The following ACACB variants were observed in gnomAD, a reference collection of about 807,000 sequenced individuals.
ACACB encodes the protein acetyl-CoA carboxylase 2.
Under a neutral mutation model 278.8 loss-of-function variants are expected in ACACB, and 209 were observed. The observed-to-expected ratio is 0.75, with a 90% confidence interval of 0.67 to 0.84. The LOEUF is 0.84. Among genes scored for constraint, ACACB ranks in the 40% least tolerant of loss-of-function variants. The pLI is 0.00. For synonymous variants in ACACB, 1,174 were observed against 1,285.6 expected, an observed-to-expected ratio of 0.91 and a Z score of 1.86; for missense variants, 2,850 against 3,269.0, an observed-to-expected ratio of 0.87 and a Z score of 3.13.
At chr12:109,167,123 C>T (rs1216213696) in intron 3 of ACACB, 130 bp downstream of exon 3, 16 of 1,188,582 alleles carry the variant, frequency 1.3e-5, no homozygotes, top group Admixed American at 6.5e-5. Flanking sequence ...GGGCCACGCT[C>T]CTCTGAGTTT....
At chr12:109,265,661 C>T (rs922728821) in intron 52 of ACACB, 136 bp downstream of exon 52, 21 of 1,102,742 alleles carry the variant, frequency 1.9e-5, no homozygotes, top group South Asian at 6.1e-5. Flanking sequence ...GCCCCCTCCC[C>T]GCTCCCCAGC....
At chr12:109,260,222 C>A (rs982246883) in intron 47 of ACACB, 7 of 1,387,504 alleles carry the variant, frequency 5.0e-6, no homozygotes, top group Non-Finnish European at 6.9e-6. Flanking sequence ...CATTTCAATT[C>A]CAGTTGGAAA....
chr12:109,175,983 T>C lies in ACACB; in HGVS notation c.1269T>C (p.Ser423=), dbSNP rs138443906. Residue 423 remains serine, a synonymous_variant, in exon 8 of 53, where the codon AGT becomes AGC. Coordinates refer to ENST00000338432, the MANE Select transcript of ACACB (RefSeq NM_001093.4). The part of the protein sequence containing the change: ...EDDLQQGKRI[S]VPEDVYDKGC... ...ATCTGCAGCAGGGAAAAAGAATCAG[T>C]GTCCCAGAAGATGTTTATGACAAGG... is the stretch of plus-strand genomic sequence containing the variant. 8.2e-5 allele frequency: 133 copies of C among 1,614,168 alleles called. No homozygotes were observed. In the African/African-American group the frequency reaches 1.5e-3, roughly 18 times the overall value.
chr12:109,134,315 C>T (rs1225189218), intron 1 of ACACB, among the ~76,000 whole-genome samples: 2 of 152,108 alleles, frequency 1.3e-5, no homozygotes, highest in African/African-American at 2.4e-5. Flanking sequence ...AGTGGACTGC[C>T]GAATTTCTAA....
chr12:109,201,675 C>A lies in ACACB; in HGVS notation c.2887C>A (p.Leu963Ile), dbSNP rs140972865. ...AGGCTGCGTGGTGGCCAGGCTGGAG[C>A]TCGATGACCCTTCTAAAGTCCACCC... is the stretch of plus-strand genomic sequence containing the variant. Reference protein sequence around the residue: ...EAGCVVARLELDDPSKVHPAE... With the variant: ...EAGCVVARLEIDDPSKVHPAE... The change falls in exon 19 of 53, where the codon CTC becomes ATC. Residue 963 changes from leucine (L) to isoleucine (I), a missense_variant. By Grantham distance (5) the Leu-to-Ile change is conservative. Around this residue, in one of 3 missense-constraint regions of ACACB, gnomAD observed 2,265 missense variants for 2,561.3 expected, o/e 0.88. Coordinates refer to ENST00000338432, the MANE Select transcript of ACACB (RefSeq NM_001093.4). The A allele has an allele frequency of 6.2e-7, 1 of 1,614,112 alleles. No individual in the cohort carries two copies. The highest frequency in any genetic ancestry group is 1.3e-5 in the African/African-American group (1 of 75,054).
At position 109,252,044 on chromosome 12, in the gene ACACB, A is replaced by C. The variant is rs1593708064; in HGVS notation, c.5791-2A>C. 1 of 1,608,732 alleles carries C rather than the reference A, an allele frequency of 6.2e-7. No individual in the cohort carries two copies. The highest frequency in any genetic ancestry group is 1.1e-5 in the South Asian group (1 of 89,886). On this transcript the variant is annotated splice_acceptor_variant, in intron 41 of 52. Coordinates refer to ENST00000338432, the MANE Select transcript of ACACB (RefSeq NM_001093.4). LOFTEE classifies it high-confidence loss of function. ...AATTCAGAGGGGGTCCTCTCTCCAC[A>C]GGTGACCTGCCGAGCCATTGGGATT...
At chr12:109,260,198 G>A in intron 47 of ACACB, 6 of 1,420,668 alleles carry the variant, frequency 4.2e-6, no homozygotes, top group Non-Finnish European at 4.7e-6. Context: ...GGCAGGGACA[G>A]TCATGGGTGA....
At chr12:109,140,147 T>C (rs4766494) in intron 2 of ACACB, 89 bp downstream of exon 2, 399,478 of 1,366,126 alleles carry the variant, frequency 0.29, 64,188 homozygotes, top group East Asian at 0.64. Flanking sequence ...TTGATCAAGC[T>C]GTTTGCTGAT....
chr12:109,230,971 A>C (rs2046450852), intron 28 of ACACB, among the ~76,000 whole-genome samples: 1 of 152,066 alleles, frequency 6.6e-6, no homozygotes, highest in Non-Finnish European at 1.5e-5. Flanking sequence ...TGGGCCTGTG[A>C]AGAGACCTTG....
intron 19 of ACACB, 69 bp downstream of exon 19, chr12:109,201,770 A>G (rs2045340473): frequency 3.8e-6 from 6 of 1,571,692 alleles, no homozygotes; most frequent in Non-Finnish European, 5.2e-6. Flanking sequence ...TGGTTCAGTG[A>G]GACAGGTGGA....
At chr12:109,185,281 C>T (rs73191116) in intron 11 of ACACB, among the ~76,000 whole-genome samples, 11,539 of 152,258 alleles carry the variant, frequency 0.076, 1,060 homozygotes, top group African/African-American at 0.22. Flanking sequence ...CCTTCCCTAG[C>T]TCTAAAAGTC....
At chr12:109,132,690 G>A (rs74526679) in intron 1 of ACACB, among the ~76,000 whole-genome samples, 11,119 of 152,216 alleles carry the variant, frequency 0.073, 534 homozygotes, top group Middle Eastern at 0.16. Context: ...ACAGTCCTCC[G>A]ATTTGTCTCT....
chr12:109,165,107 T>C (rs1047937599), intron 2 of ACACB, among the ~76,000 whole-genome samples: 1 of 152,004 alleles, frequency 6.6e-6, no homozygotes, highest in Non-Finnish European at 1.5e-5. Flanking sequence ...CTTAAGTGGA[T>C]GAAACTACTG....
chr12:109,221,189 T>C (rs2046149950), intron 24 of ACACB, among the ~76,000 whole-genome samples: 1 of 152,226 alleles, frequency 6.6e-6, no homozygotes, highest in Non-Finnish European at 1.5e-5. Flanking sequence ...GTATGAAATA[T>C]CAATATGTTG....
chr12:109,204,271 C>CTTT (rs58720572), intron 19 of ACACB, among the ~76,000 whole-genome samples: 7 of 93,140 alleles, frequency 7.5e-5, no homozygotes, highest in African/African-American at 8.4e-5. Context: ...AATACTATAT[C>CTTT]TTTTTTTTTT....
chr12:109,199,661 G>A (rs1210250863), intron 18 of ACACB, 109 bp downstream of exon 18: 4 of 1,142,490 alleles, frequency 3.5e-6, no homozygotes, highest in Non-Finnish European at 3.4e-6. Context: ...ACCACTGTCT[G>A]CAAATTTCTA....
intron 37 of ACACB, among the ~76,000 whole-genome samples, chr12:109,245,264 C>G (rs2046909045): frequency 6.6e-6 from 1 of 151,886 alleles, no homozygotes; most frequent in Non-Finnish European, 1.5e-5. Flanking sequence ...TTGTATGTTT[C>G]CAATGTATGC....
chr12:109,264,606 A>AT (rs1205726245), intron 50 of ACACB, among the ~76,000 whole-genome samples: 1 of 152,100 alleles, frequency 6.6e-6, no homozygotes, highest in Non-Finnish European at 1.5e-5. Flanking sequence ...AGGCGGTCGT[A>AT]TTTTTTAAAG....
intron 3 of ACACB, among the ~76,000 whole-genome samples, chr12:109,167,647 A>ATATATATATATATT (rs2043961897): frequency 7.2e-6 from 1 of 138,350 alleles, no homozygotes; most frequent in African/African-American, 2.7e-5. Context: ...ATATATATAT[A>ATATATATATATATT]TATATATTTC....
Sources: allele counts gnomAD v4.1 joint callset (sites outside exome capture counted in the v4.1 genomes callset), GRCh38; gene constraint gnomAD v4.1.1; regional missense constraint gnomAD v4.1.1; transcripts MANE v1.5; gene names NCBI Gene and HGNC (gene_info 2026-07-23, HGNC 2026-07-21).